The following ZNF804B variants were observed in gnomAD, a reference collection of about 807,000 sequenced individuals.
ZNF804B encodes the protein zinc finger protein 804B.
Under a neutral mutation model 101.4 loss-of-function variants are expected in ZNF804B, and 80 were observed. That is an observed-to-expected ratio of 0.79 (90% CI 0.66 to 0.95). ZNF804B has a LOEUF of 0.95. ZNF804B is among the 40% of genes least tolerant of loss of function. The pLI, the probability that ZNF804B is intolerant of heterozygous loss-of-function variation, is 0.00. For synonymous variants in ZNF804B, 622 were observed against 558.8 expected (o/e 1.11, Z -1.59); for missense variants, 1,673 against 1,561.9 (o/e 1.07, Z -1.20).
In ZNF804B at chr7:89,066,892, G is replaced by A. The variant is rs180958678; in HGVS notation, c.109-151263G>A. Among the ~76,000 whole-genome samples, 3 of 151,716 alleles carry A rather than the reference G, an allele frequency of 2.0e-5. No homozygotes were observed. The East Asian group carries it at 5.9e-4, about 30-fold the overall frequency. On this transcript the variant is annotated intron_variant, in intron 1 of 3. Coordinates refer to ENST00000333190, the MANE Select transcript of ZNF804B (RefSeq NM_181646.5). ...GTTCTCCTGCCTCAGCCTCCTGAGT[G>A]TTCTTATTCTGGTTTATGTGATGTT...
At chr7:89,145,145 G>A (rs115616611) in intron 1 of ZNF804B, among the ~76,000 whole-genome samples, 1 of 151,550 alleles carries the variant, frequency 6.6e-6, no homozygotes. Context: ...GAAAATAAAT[G>A]ATATAAACTA....
chr7:89,103,407 A>G (rs954149287), intron 1 of ZNF804B, among the ~76,000 whole-genome samples: 1 of 151,596 alleles, frequency 6.6e-6, no homozygotes, highest in Non-Finnish European at 1.5e-5. Context: ...TTATTTCATC[A>G]GTGATTTGTA....
chr7:89,041,934 C>T (rs563620613), intron 1 of ZNF804B, among the ~76,000 whole-genome samples: 1 of 152,234 alleles, frequency 6.6e-6, no homozygotes, highest in East Asian at 1.9e-4. Flanking sequence ...CTTATTCTAC[C>T]ATCTTGCAGA....
At chr7:89,054,576 A>G (rs1056063720) in intron 1 of ZNF804B, among the ~76,000 whole-genome samples, 1 of 152,068 alleles carries the variant, frequency 6.6e-6, no homozygotes, top group African/African-American at 2.4e-5. Context: ...AAGAAGTAGT[A>G]AAGGATGGTT....
intron 1 of ZNF804B, among the ~76,000 whole-genome samples, chr7:89,033,866 T>C (rs906148528): frequency 6.6e-6 from 1 of 152,120 alleles, no homozygotes; most frequent in Non-Finnish European, 1.5e-5. Context: ...TTTTCAGTTA[T>C]GTTATTTAGA....
At chr7:89,005,108 A>G (rs6964711) in intron 1 of ZNF804B, among the ~76,000 whole-genome samples, 78,830 of 151,690 alleles carry the variant, frequency 0.52, 21,271 homozygotes, top group Middle Eastern at 0.64. Flanking sequence ...ACTGCATTCT[A>G]AAGTAATATA....
At chr7:88,946,977 G>T (rs560055187) in intron 1 of ZNF804B, among the ~76,000 whole-genome samples, 56 of 151,982 alleles carry the variant, frequency 3.7e-4, no homozygotes, top group African/African-American at 1.3e-3. Flanking sequence ...ACCATCTCAC[G>T]CCAGTTAGAA....
chr7:89,264,857 A>G (rs1789761088), intron 2 of ZNF804B, among the ~76,000 whole-genome samples: 1 of 152,130 alleles, frequency 6.6e-6, no homozygotes, highest in Non-Finnish European at 1.5e-5. Flanking sequence ...TATTTTTGAC[A>G]TCTTCTCATC....
intron 1 of ZNF804B, among the ~76,000 whole-genome samples, chr7:89,020,977 C>T (rs1245741328): frequency 6.6e-6 from 1 of 152,028 alleles, no homozygotes; most frequent in Non-Finnish European, 1.5e-5. Flanking sequence ...TGATTATTAT[C>T]TGTTACTAGA....
chr7:89,081,668 C>T (rs1416074658), intron 1 of ZNF804B, among the ~76,000 whole-genome samples: 1 of 151,724 alleles, frequency 6.6e-6, no homozygotes, highest in African/African-American at 2.4e-5. Context: ...CTAACATAGA[C>T]ATCTTTGGAA....
intron 1 of ZNF804B, among the ~76,000 whole-genome samples, chr7:89,174,606 T>C (rs1385007729): frequency 6.6e-6 from 1 of 152,064 alleles, no homozygotes; most frequent in African/African-American, 2.4e-5. Context: ...CTTCTGGGTA[T>C]ATACTTAAAA....
At chr7:89,120,142 G>A (rs116421482) in intron 1 of ZNF804B, among the ~76,000 whole-genome samples, 1 of 151,958 alleles carries the variant, frequency 6.6e-6, no homozygotes, top group African/African-American at 2.4e-5. Flanking sequence ...ACTTAAAACT[G>A]AAGTCTACAC....
intron 1 of ZNF804B, among the ~76,000 whole-genome samples, chr7:88,911,362 C>T (rs1336602254): frequency 6.6e-6 from 1 of 150,816 alleles, no homozygotes; most frequent in Non-Finnish European, 1.5e-5. Context: ...CTACACTCTA[C>T]CATTCAAATT....
chr7:88,967,423 G>T (rs1272685994), intron 1 of ZNF804B, among the ~76,000 whole-genome samples: 2 of 151,498 alleles, frequency 1.3e-5, no homozygotes, highest in Non-Finnish European at 3.0e-5. Flanking sequence ...GTCCTACCAG[G>T]TCCTTCCCCC....
chr7:88,947,837 C>T (rs1303768075), intron 1 of ZNF804B, among the ~76,000 whole-genome samples: 1 of 151,832 alleles, frequency 6.6e-6, no homozygotes, highest in African/African-American at 2.4e-5. Flanking sequence ...CTACACTGTG[C>T]CATTTCACAT....
chr7:89,140,414 A>G (rs572268154), intron 1 of ZNF804B, among the ~76,000 whole-genome samples: 67 of 152,072 alleles, frequency 4.4e-4, no homozygotes, highest in Non-Finnish European at 7.9e-4. Context: ...CTCTCTAACT[A>G]TGAAAGTCCT....
chr7:88,919,179 T>G (rs964206), intron 1 of ZNF804B, among the ~76,000 whole-genome samples: 1 of 151,858 alleles, frequency 6.6e-6, no homozygotes, highest in Admixed American at 6.6e-5. Context: ...ACTTGGGGTG[T>G]CTTGGATAGA....
At chr7:89,007,453 T>C (rs1359454092) in intron 1 of ZNF804B, among the ~76,000 whole-genome samples, 1 of 105,530 alleles carries the variant, frequency 9.5e-6, no homozygotes, top group East Asian at 3.2e-4. Flanking sequence ...ATTTTATATA[T>C]ATATATATAT....
chr7:88,994,348 A>C (rs1159138162), intron 1 of ZNF804B, among the ~76,000 whole-genome samples: 1 of 152,052 alleles, frequency 6.6e-6, no homozygotes, highest in African/African-American at 2.4e-5. Context: ...TTTTGTACTC[A>C]TTAAACATGC....
Sources: gnomAD v4.1 joint callset for allele counts (sites outside exome capture counted in the v4.1 genomes callset) on GRCh38, gnomAD v4.1.1 for gene constraint, MANE v1.5 for transcripts, NCBI Gene and HGNC (gene_info 2026-07-23, HGNC 2026-07-21) for gene names.